S100P: variants seen among roughly 807,000 people sequenced by gnomAD.
S100P encodes S100 calcium binding protein P.
A neutral mutation model predicts 4.7 loss-of-function variants in S100P; 7 were observed. That is an observed-to-expected ratio of 1.48 (90% CI 0.84 to 2.77). S100P has a LOEUF of 2.77. Ranked by LOEUF, S100P falls within the 30% of genes most tolerant of loss-of-function variation. The pLI is 0.00. For synonymous variants in S100P, 48 were observed against 49.0 expected (o/e 0.98, Z 0.08); for missense variants, 122 against 120.6 (o/e 1.01, Z -0.06).
chr4:6,695,114 T>C (rs953570720), intron 1 of S100P, among the ~76,000 whole-genome samples: 1 of 151,960 alleles, frequency 6.6e-6, no homozygotes, highest in Non-Finnish European at 1.5e-5. Flanking sequence ...TACAGGTGCA[T>C]GTCACCATAC....
intron 1 of S100P, among the ~76,000 whole-genome samples, chr4:6,696,325 G>A (rs58944345): frequency 0.018 from 2,810 of 152,302 alleles, 92 homozygotes; most frequent in African/African-American, 0.064. Context: ...CTCCATGCTC[G>A]CTCCACACCT....
In S100P at chr4:6,697,093, C is replaced by G; in HGVS notation, c.*51C>G. On this transcript the variant is annotated 3_prime_UTR_variant, in exon 2 of 2. Coordinates refer to ENST00000296370, the MANE Select transcript of S100P (RefSeq NM_005980.3). ...GGCAGAGCCATGGTCCCAGGCTTCC[C>G]AAAAGTGTTTGTTGGCAATTATTCC... 6.6e-7 allele frequency: 1 copy of G among 1,520,440 alleles called. No individual in the cohort carries two copies. Among genetic ancestry groups the G allele is most frequent in the Non-Finnish European group, 9.0e-7 (1 of 1,116,582 alleles). The allele number at this position is 1,520,440 out of a possible 1,614,324, so 94.2% of individuals were successfully genotyped here.
In S100P at chr4:6,694,038, C is replaced by A. The variant is rs1230387582; in HGVS notation, c.106C>A (p.Leu36Met). The A allele has an allele frequency of 6.2e-7, 1 of 1,613,474 alleles. No homozygotes were observed. The highest frequency in any genetic ancestry group is 1.7e-5 in the Admixed American group (1 of 59,970). Residue 36 changes from leucine to methionine, a missense_variant, in exon 1 of 2, where the codon CTG (leucine) becomes ATG (methionine). Coordinates refer to ENST00000296370, the MANE Select transcript of S100P (RefSeq NM_005980.3). ...QTLTKGELKVLMEKELPGFLQ... is the reference protein window; with the variant it reads ...QTLTKGELKVMMEKELPGFLQ... ...CCTGACCAAGGGGGAGCTCAAGGTG[C>A]TGATGGAGAAGGAGCTACCAGGCTT... is the stretch of plus-strand genomic sequence containing the variant.
At chr4:6,694,913 T>G (rs1310626350) in intron 1 of S100P, among the ~76,000 whole-genome samples, 2 of 152,002 alleles carry the variant, frequency 1.3e-5, no homozygotes, top group Non-Finnish European at 2.9e-5. Flanking sequence ...AGCCCTAGAA[T>G]CACTTCAAAG....
At chr4:6,694,967 C>CTT (rs59304723) in intron 1 of S100P, among the ~76,000 whole-genome samples, 4,821 of 141,846 alleles carry the variant, frequency 0.034, 271 homozygotes, top group African/African-American at 0.12. Context: ...CTTTTCTTTT[C>CTT]TTTTTTTTTT....
chr4:6,694,160 C>T (rs909031410), intron 1 of S100P, 90 bp downstream of exon 1: 6 of 1,327,446 alleles, frequency 4.5e-6, no homozygotes, highest in East Asian at 2.5e-5. Context: ...GCGGTGGGGT[C>T]GGCGGTCAAG....
intron 1 of S100P, 91 bp downstream of exon 1, chr4:6,694,161 G>A (rs940527187): frequency 5.5e-6 from 7 of 1,262,246 alleles, no homozygotes; most frequent in Admixed American, 2.6e-5. Flanking sequence ...CGGTGGGGTC[G>A]GCGGTCAAGG....
intron 1 of S100P, among the ~76,000 whole-genome samples, chr4:6,694,431 G>A (rs921739807): frequency 1.3e-5 from 2 of 152,242 alleles, no homozygotes; most frequent in Non-Finnish European, 2.9e-5. Context: ...AGCTTGCCAA[G>A]CCCTTGAGCC....
Position 6,697,118 on chromosome 4 carries a change from C to A in S100P, c.*76C>A. ...CAAAAGTGTTTGTTGGCAATTATTCCCCTAGGCTGAGCCTGCTCATGTACC... is the reference window on the plus strand; with the variant it reads ...CAAAAGTGTTTGTTGGCAATTATTCACCTAGGCTGAGCCTGCTCATGTACC... On this transcript the variant is annotated 3_prime_UTR_variant, in exon 2 of 2. Transcript: ENST00000296370. 1 of 1,252,428 alleles carries A rather than the reference C, an allele frequency of 8.0e-7. No individual in the cohort carries two copies. Among genetic ancestry groups the A allele is most frequent in the Non-Finnish European group, 1.1e-6 (1 of 884,540 alleles). The allele number at this position is 1,252,428 out of a possible 1,614,324, so 77.6% of individuals were successfully genotyped here.
At chr4:6,695,912 T>C (rs1714363141) in intron 1 of S100P, among the ~76,000 whole-genome samples, 1 of 152,258 alleles carries the variant, frequency 6.6e-6, no homozygotes, top group South Asian at 2.1e-4. Flanking sequence ...CTACAAACTT[T>C]GTAAACATCA....
At chr4:6,696,819 C>A in intron 1 of S100P, 74 bp from the exon 2 acceptor site, 2 of 1,447,238 alleles carry the variant, frequency 1.4e-6, no homozygotes, top group Non-Finnish European at 1.9e-6. Context: ...TCCTGCCCAG[C>A]AGCAGTGCTT....
intron 1 of S100P, 46 bp from the exon 2 acceptor site, chr4:6,696,847 T>C: frequency 6.3e-7 from 1 of 1,578,876 alleles, no homozygotes; most frequent in Non-Finnish European, 8.6e-7. Context: ...GCTGAGGCCC[T>C]GCACAGGCAC....
chr4:6,696,242 G>C (rs896817832), intron 1 of S100P, among the ~76,000 whole-genome samples: 1 of 152,208 alleles, frequency 6.6e-6, no homozygotes, highest in Non-Finnish European at 1.5e-5. Context: ...AGCCCTGCCG[G>C]CCTGGCCTTC....
At chr4:6,694,629 C>A (rs1366587110) in intron 1 of S100P, among the ~76,000 whole-genome samples, 1 of 152,144 alleles carries the variant, frequency 6.6e-6, no homozygotes, top group Non-Finnish European at 1.5e-5. Context: ...GGGCTCCCTG[C>A]CAGGGAGGAG....
intron 1 of S100P, among the ~76,000 whole-genome samples, chr4:6,695,621 G>C (rs976583859): frequency 6.6e-6 from 1 of 152,204 alleles, no homozygotes. Flanking sequence ...CTGGGGTGTG[G>C]GGAGGGGCAG....
intron 1 of S100P, among the ~76,000 whole-genome samples, chr4:6,695,576 G>A (rs1204222426): frequency 6.6e-6 from 1 of 152,208 alleles, no homozygotes. Context: ...ATCAAAGTAT[G>A]AGAATTGAAC....
chr4:6,694,080 G>GC lies in S100P; in HGVS notation c.138+12dup. 6.2e-7 allele frequency: 1 copy of GC among 1,604,130 alleles called. No homozygotes were observed. On this transcript the variant is annotated intron_variant, in intron 1 of 1. Transcript: ENST00000296370. ...ACCAGGCTTCCTGCAGGTGAGCCAG[G>GC]CCGGCAGTGCTGGACTCAGCGGGGG...
chr4:6,693,899 C>A lies in S100P; in HGVS notation c.-34C>A. The A allele has an allele frequency of 3.7e-6, 6 of 1,613,442 alleles. No individual in the cohort carries two copies. Among genetic ancestry groups the A allele is most frequent in the South Asian group, 1.1e-5 (1 of 91,070 alleles). On this transcript the variant is annotated 5_prime_UTR_variant, in exon 1 of 2. Transcript: ENST00000296370. ...TGGGACATTTTCTCGGCCCTGCCAG[C>A]CCCCAGGAGGAAGGTGGGTCTGAAT...
In S100P at chr4:6,696,955, C is replaced by T. The variant is rs1481409120; in HGVS notation, c.201C>T (p.Ala67=). The T allele has an allele frequency of 6.2e-7, 1 of 1,613,674 alleles. No individual in the cohort carries two copies. The highest frequency in any genetic ancestry group is 8.5e-7 in the Non-Finnish European group (1 of 1,179,714). ...AGGACCTGGACGCCAATGGAGATGC[C>T]CAGGTGGACTTCAGTGAGTTCATAG... ...LLKDLDANGD[A]QVDFSEFIVF... Residue 67 remains alanine, a synonymous_variant, in exon 2 of 2, where the codon GCC becomes GCT. Transcript: ENST00000296370.
Sources: allele counts gnomAD v4.1 joint callset (sites outside exome capture counted in the v4.1 genomes callset), GRCh38; gene constraint gnomAD v4.1.1; transcripts MANE v1.5; gene names NCBI Gene and HGNC (gene_info 2026-07-23, HGNC 2026-07-21).